ERICH3: variants seen among roughly 807,000 people sequenced by gnomAD.
ERICH3 encodes glutamate-rich protein 3.
In ERICH3, 126 loss-of-function variants were observed where a neutral mutation model predicts 131.1. That is an observed-to-expected ratio of 0.96 (90% CI 0.83 to 1.11). ERICH3 has a LOEUF of 1.11. Among genes scored for constraint, ERICH3 ranks in the 50% most tolerant of loss-of-function variants. ERICH3 has a pLI of 0.00. For synonymous variants in ERICH3, 695 were observed against 644.6 expected (o/e 1.08, Z -1.18); for missense variants, 2,050 against 1,810.7 (o/e 1.13, Z -2.40).
At position 74,572,482 on chromosome 1, in the gene ERICH3, CTCAGAG is replaced by C; in HGVS notation, c.3222_3227del (p.Asp1074_Ser1075del). On this transcript the variant is annotated inframe_deletion, in exon 14 of 15. Transcript: ENST00000326665. ...CATTTGCCCTTGTCACCTCTTCTCT[CTCAGAG>C]TCAGTTTTCCTCAGAGATGTTTTTG... The C allele has an allele frequency of 1.2e-6, 2 of 1,614,174 alleles. No homozygotes were observed. Among genetic ancestry groups the C allele is most frequent in the Non-Finnish European group, 1.7e-6 (2 of 1,180,028 alleles).
chr1:74,620,188 A>G (rs375442794), intron 8 of ERICH3, among the ~76,000 whole-genome samples: 1 of 152,320 alleles, frequency 6.6e-6, no homozygotes, highest in African/African-American at 2.4e-5. Context: ...AAAAACCTAC[A>G]TTGCATATAA....
rs144755509 is a variant in ERICH3 at position 74,658,668 on chromosome 1, A to G, written c.24-9353T>C. Among the ~76,000 whole-genome samples, 771 of 152,320 alleles carry G rather than the reference A, an allele frequency of 5.1e-3. 4 individuals carry two copies. The highest frequency in any genetic ancestry group is 7.7e-3 in the Non-Finnish European group (524 of 68,014). ...CTGTCATTTTTTTCCACTAAAGGTT[A>G]GGTTAATTTCCTAAGGGCTGGTTCT... is the stretch of plus-strand genomic sequence containing the variant. On this transcript the variant is annotated intron_variant, in intron 1 of 14. Transcript: ENST00000326665.
At position 74,649,277 on chromosome 1, in the gene ERICH3, A is replaced by T; in HGVS notation, c.62T>A (p.Leu21Gln). Residue 21 changes from leucine to glutamine, a missense_variant, in exon 2 of 15, where the codon CTG becomes CAG. Leu to Gln is a moderately radical substitution (Grantham distance 113). Transcript: ENST00000326665. ...CCTTGTATTGTTAAAATACCCAGCC[A>T]GGTGTTTATCCATAAGGCTATTATA... ...AAYNSLMDKH[L>Q]AGYFNNTRIR... is the part of the protein sequence containing the mutation. 1 of 1,612,646 alleles carries T rather than the reference A, an allele frequency of 6.2e-7. No homozygotes were observed. The highest frequency in any genetic ancestry group is 2.2e-5 in the East Asian group (1 of 44,816).
chr1:74,618,962 G>A (rs115673576), intron 8 of ERICH3, among the ~76,000 whole-genome samples: 305 of 152,214 alleles, frequency 2.0e-3, no homozygotes, highest in African/African-American at 6.7e-3. Context: ...ATTCTTTTCA[G>A]TCCAGCTAAA....
chr1:74,589,715 C>G lies in ERICH3; in HGVS notation c.2092G>C (p.Glu698Gln), dbSNP rs546358770. The G allele has an allele frequency of 6.6e-5, 106 of 1,613,576 alleles. No individual in the cohort carries two copies. The highest frequency in any genetic ancestry group is 8.9e-5 in the Non-Finnish European group (105 of 1,179,974). The change falls in exon 12 of 15, where the codon GAA (glutamate) becomes CAA (glutamine). Residue 698 changes from glutamate (E) to glutamine (Q), a missense_variant. By Grantham distance (29) the Glu-to-Gln change is conservative. Coordinates refer to ENST00000326665, the MANE Select transcript of ERICH3 (RefSeq NM_001002912.5). ...TCCCAAAGCTTACTCTTATCCTTTTCCTTTTCTTCTGCAGAAACATGTTTC... is the reference window on the plus strand; with the variant it reads ...TCCCAAAGCTTACTCTTATCCTTTTGCTTTTCTTCTGCAGAAACATGTTTC... ...SGKHVSAEEK[E>Q]KDKSKLWEES... is the part of the protein sequence containing the mutation.
Position 74,607,022 on chromosome 1 carries a change from T to A in ERICH3, c.1188-120A>T, listed in dbSNP as rs1648433617. 5 of 854,550 alleles carry A rather than the reference T, an allele frequency of 5.9e-6. No homozygotes were observed. The East Asian group carries it at 1.3e-4, about 22-fold the overall frequency. 52.9% of individuals were successfully genotyped at this position (854,550 alleles called of 1,614,324 possible). A position where few individuals can be genotyped will look rare whatever the true frequency, so the allele number is the denominator to read the frequency against. On this transcript the variant is annotated intron_variant, in intron 9 of 14. Coordinates refer to ENST00000326665, the MANE Select transcript of ERICH3 (RefSeq NM_001002912.5). ...AAAAAAAGACACAAAAATGTTTTGA[T>A]TACAGTACACACTAATAAAAATAAA...
At chr1:74,613,024 A>C (rs763292126) in intron 8 of ERICH3, among the ~76,000 whole-genome samples, 36 of 152,154 alleles carry the variant, frequency 2.4e-4, no homozygotes, top group Non-Finnish European at 3.8e-4. Flanking sequence ...CTAAAAACAA[A>C]AAAAAAAGTT....
chr1:74,668,136 A>G (rs1646708937), intron 1 of ERICH3, among the ~76,000 whole-genome samples: 1 of 152,158 alleles, frequency 6.6e-6, no homozygotes, highest in African/African-American at 2.4e-5. Flanking sequence ...GTCAGGAAGT[A>G]TCTTTATAGC....
intron 1 of ERICH3, among the ~76,000 whole-genome samples, chr1:74,652,855 T>C (rs898506394): frequency 1.3e-5 from 2 of 152,148 alleles, no homozygotes; most frequent in Admixed American, 1.3e-4. Context: ...AACAAGACTA[T>C]CTACCCATCC....
intron 12 of ERICH3, chr1:74,579,368 A>C (rs1268612133): frequency 2.0e-6 from 2 of 983,624 alleles, no homozygotes; most frequent in Admixed American, 1.2e-4. Context: ...ATAAGAAGCC[A>C]AACAATACTA....
At position 74,568,967 on chromosome 1, in the gene ERICH3, G is replaced by A. The variant is rs925242838; in HGVS notation, c.*1491C>T. On this transcript the variant is annotated 3_prime_UTR_variant, in exon 15 of 15. Transcript: ENST00000326665. ...GGAACAATTTCCAGGTGATGCTGAT[G>A]TGCTGATGCTTCTGATCAAGGGACC... The A allele has an allele frequency of 6.6e-6, 1 of 152,126 alleles. No homozygotes were observed. The highest frequency in any genetic ancestry group is 2.4e-5 in the African/African-American group (1 of 41,424). 9.4% of individuals were successfully genotyped at this position (152,126 alleles called of 1,614,324 possible).
At chr1:74,647,778 G>A (rs1646498285) in intron 2 of ERICH3, among the ~76,000 whole-genome samples, 1 of 152,116 alleles carries the variant, frequency 6.6e-6, no homozygotes, top group South Asian at 2.1e-4. Context: ...ACACACTGGA[G>A]TATTAAGATC....
intron 8 of ERICH3, 65 bp downstream of exon 8, chr1:74,620,669 T>C: frequency 7.5e-7 from 1 of 1,337,092 alleles, no homozygotes. Flanking sequence ...TGATATTATA[T>C]CAACAGCAGC....
chr1:74,604,899 C>G (rs1648309931), intron 10 of ERICH3, among the ~76,000 whole-genome samples: 1 of 151,820 alleles, frequency 6.6e-6, no homozygotes, highest in African/African-American at 2.4e-5. Context: ...CTGCATTAAC[C>G]CATAAAAGAA....
In ERICH3 at chr1:74,572,821, T is replaced by C. The variant is rs754972403; in HGVS notation, c.2889A>G (p.Ala963=). 23 of 1,613,768 alleles carry C rather than the reference T, an allele frequency of 1.4e-5. No homozygotes were observed. The African/African-American group carries it at 1.5e-4, about 10-fold the overall frequency. The change falls in exon 14 of 15, where the codon GCA becomes GCG. Residue 963 remains alanine, a synonymous_variant. Transcript: ENST00000326665. ...CTTCAGAACCGTCCTCTCTCTTTGATGCTGTGTCCTCCATGGGTCCTGTGT... is the reference window on the plus strand; with the variant it reads ...CTTCAGAACCGTCCTCTCTCTTTGACGCTGTGTCCTCCATGGGTCCTGTGT... ...LEDTGPMEDT[A]SKREDGSEEA...
At chr1:74,597,248 C>T (rs2100573481) in intron 11 of ERICH3, among the ~76,000 whole-genome samples, 1 of 151,928 alleles carries the variant, frequency 6.6e-6, no homozygotes, top group South Asian at 2.1e-4. Flanking sequence ...ATGTTTATGC[C>T]TTGAATAACA....
At chr1:74,593,679 C>G (rs145446437) in intron 11 of ERICH3, among the ~76,000 whole-genome samples, 20 of 152,114 alleles carry the variant, frequency 1.3e-4, no homozygotes, top group Admixed American at 3.3e-4. Flanking sequence ...GATTATGCAC[C>G]TACTATAAAC....
chr1:74,666,018 T>G (rs986524311), intron 1 of ERICH3, among the ~76,000 whole-genome samples: 5 of 152,154 alleles, frequency 3.3e-5, no homozygotes, highest in African/African-American at 1.2e-4. Flanking sequence ...GATTCTGAAT[T>G]ATCTGTGCTG....
intron 10 of ERICH3, among the ~76,000 whole-genome samples, chr1:74,602,375 A>G (rs1426323833): frequency 1.3e-5 from 2 of 151,980 alleles, no homozygotes; most frequent in Non-Finnish European, 2.9e-5. Context: ...TGATACGAAT[A>G]AGCCAGCGAC....
Sources: gnomAD v4.1 joint callset for allele counts (sites outside exome capture counted in the v4.1 genomes callset) on GRCh38, gnomAD v4.1.1 for gene constraint, MANE v1.5 for transcripts, NCBI Gene and HGNC (gene_info 2026-07-23, HGNC 2026-07-21) for gene names.